Variants in CRYBB3 observed in about 807,000 individuals in gnomAD.
The protein encoded by CRYBB3 is beta-crystallin B3.
CRYBB3 carries 35 observed loss-of-function variants against 28.3 expected under a neutral mutation model. That is an observed-to-expected ratio of 1.24 (90% CI 0.95 to 1.64). CRYBB3 has a LOEUF of 1.64. CRYBB3 is among the 40% of genes most tolerant of loss of function. CRYBB3 has a pLI of 0.00. For synonymous variants in CRYBB3, 106 were observed against 110.4 expected (o/e 0.96, Z 0.25); for missense variants, 296 against 297.4 (o/e 1.00, Z 0.04).
chr22:25,206,602 C>A (rs2283809), intron 5 of CRYBB3, among the ~76,000 whole-genome samples: 1 of 151,888 alleles, frequency 6.6e-6, no homozygotes, highest in Non-Finnish European at 1.5e-5. Flanking sequence ...GTATTCACAA[C>A]GTATTGTGAT....
chr22:25,201,238 T>C, intron 1 of CRYBB3, 139 bp from the exon 2 acceptor site: 1 of 1,489,964 alleles, frequency 6.7e-7, no homozygotes, highest in Non-Finnish European at 9.0e-7. Context: ...GGATGTTTGC[T>C]GAATGACTGA....
chr22:25,202,270 G>T (rs1256986694), intron 2 of CRYBB3, among the ~76,000 whole-genome samples: 1 of 152,044 alleles, frequency 6.6e-6, no homozygotes, highest in Non-Finnish European at 1.5e-5. Flanking sequence ...CCCCGAGACT[G>T]CAAACAGGTG....
intron 5 of CRYBB3, among the ~76,000 whole-genome samples, 178 bp from the exon 6 acceptor site, chr22:25,206,869 T>G (rs1316012516): frequency 2.0e-5 from 3 of 152,118 alleles, no homozygotes; most frequent in Non-Finnish European, 4.4e-5. Flanking sequence ...TGTTGAGAGA[T>G]AAGGCTAGAG....
Position 25,201,485 on chromosome 22 carries a change from A to G in CRYBB3, c.75+14A>G. 6.2e-7 allele frequency: 1 copy of G among 1,611,336 alleles called. No homozygotes were observed. The highest frequency in any genetic ancestry group is 1.1e-5 in the South Asian group (1 of 90,974). Reference sequence around the variant, plus strand: ...GGCAGCTACAAGGTACTGGGCAGGGAGGGGGTCAGAGGGCCCAGGCTACTC... The same window carrying G: ...GGCAGCTACAAGGTACTGGGCAGGGGGGGGGTCAGAGGGCCCAGGCTACTC... On this transcript the variant is annotated intron_variant, in intron 2 of 5. Coordinates refer to ENST00000215855, the MANE Select transcript of CRYBB3 (RefSeq NM_004076.5).
rs1934946732 is a variant in CRYBB3, at chr22:25,201,423, A to G, written c.27A>G (p.Glu9=). The change falls in exon 2 of 6, where the codon GAA becomes GAG. Residue 9 remains glutamate, a synonymous_variant. Coordinates refer to ENST00000215855, the MANE Select transcript of CRYBB3 (RefSeq NM_004076.5). Reference sequence around the variant, plus strand: ...TGGCGGAACAGCACGGAGCACCCGAACAGGCTGCAGCTGGCAAGAGCCATG... The same window carrying G: ...TGGCGGAACAGCACGGAGCACCCGAGCAGGCTGCAGCTGGCAAGAGCCATG... MAEQHGAP[E]QAAAGKSHGD... is the part of the protein sequence containing the mutation. 1.2e-6 allele frequency: 2 copies of G among 1,613,194 alleles called. No homozygotes were observed. Among genetic ancestry groups the G allele is most frequent in the African/African-American group, 2.7e-5 (2 of 74,874 alleles).
intron 2 of CRYBB3, 87 bp from the exon 3 acceptor site, chr22:25,202,587 G>A: frequency 6.2e-7 from 1 of 1,603,784 alleles, no homozygotes; most frequent in Non-Finnish European, 8.5e-7. Context: ...AAAGCAGAGG[G>A]TACCTCCCTC....
chr22:25,202,757 G>A lies in CRYBB3; in HGVS notation c.159G>A (p.Leu53=), dbSNP rs1934970573. 2 of 1,614,054 alleles carry A rather than the reference G, an allele frequency of 1.2e-6. No homozygotes were observed. Among genetic ancestry groups the A allele is most frequent in the Admixed American group, 3.3e-5 (2 of 60,022 alleles). The change falls in exon 3 of 6, where the codon CTG becomes CTA. Residue 53 remains leucine, a synonymous_variant. Coordinates refer to ENST00000215855, the MANE Select transcript of CRYBB3 (RefSeq NM_004076.5). ...AECPSLTDSL[L]EKVGSIQVES... is the part of the protein sequence containing the mutation. Reference sequence around the variant, plus strand: ...GCCCCAGCCTGACCGACAGCCTGCTGGAGAAGGTGGGCTCCATCCAAGTGG... The same window carrying A: ...GCCCCAGCCTGACCGACAGCCTGCTAGAGAAGGTGGGCTCCATCCAAGTGG...
chr22:25,205,376 C>G lies in CRYBB3; in HGVS notation c.470+14C>G. On this transcript the variant is annotated intron_variant, in intron 5 of 5. Coordinates refer to ENST00000215855, the MANE Select transcript of CRYBB3 (RefSeq NM_004076.5). The stretch of plus-strand genomic sequence containing the variant: ...CATCAACGGGACGTAAGGGACCCAA[C>G]CCTCACCCTTGCCCCATCTTCTGGT... The G allele has an allele frequency of 6.2e-7, 1 of 1,613,858 alleles. No homozygotes were observed. The highest frequency in any genetic ancestry group is 8.5e-7 in the Non-Finnish European group (1 of 1,179,870).
intron 3 of CRYBB3, 51 bp downstream of exon 3, chr22:25,202,843 G>A: frequency 1.9e-6 from 3 of 1,607,674 alleles, no homozygotes; most frequent in Non-Finnish European, 2.5e-6. Context: ...CCTTCTGGGA[G>A]TGTGGAGGCC....
Position 25,201,351 on chromosome 22 carries a change from G to A in CRYBB3, c.-20-26G>A, listed in dbSNP as rs751211649. On this transcript the variant is annotated intron_variant, in intron 1 of 5. Transcript: ENST00000215855. ...ACCTGGCTTCTCCCGGGTGGATCCA[G>A]TGAACCATTTTCTTTTGGTTTGAAG... 6.8e-6 allele frequency: 11 copies of A among 1,610,374 alleles called. No homozygotes were observed. In the Admixed American group the frequency reaches 1.8e-4, roughly 27 times the overall value.
chr22:25,203,659 G>A (rs966395870), intron 3 of CRYBB3, 104 bp from the exon 4 acceptor site: 7 of 1,306,864 alleles, frequency 5.4e-6, no homozygotes, highest in African/African-American at 1.4e-5. Flanking sequence ...TGGAGGGAGG[G>A]TACAAGGTTC....
At chr22:25,201,017 C>T (rs1006332174) in intron 1 of CRYBB3, among the ~76,000 whole-genome samples, 13 of 152,206 alleles carry the variant, frequency 8.5e-5, no homozygotes, top group African/African-American at 2.9e-4. Flanking sequence ...GGTGGGACAT[C>T]TGCAGAGAGC....
intron 4 of CRYBB3, 69 bp from the exon 5 acceptor site, chr22:25,205,151 C>A: frequency 6.2e-7 from 1 of 1,602,698 alleles, no homozygotes; most frequent in Non-Finnish European, 8.5e-7. Context: ...TTCTTTCCGG[C>A]ATCTGGAGCC....
At position 25,201,424 on chromosome 22, in the gene CRYBB3, C is replaced by G; in HGVS notation, c.28C>G (p.Gln10Glu). The change falls in exon 2 of 6, where the codon CAG (glutamine) becomes GAG (glutamate). Residue 10 changes from glutamine (Q) to glutamate (E), a missense_variant. Coordinates refer to ENST00000215855, the MANE Select transcript of CRYBB3 (RefSeq NM_004076.5). MAEQHGAPE[Q>E]AAAGKSHGDL... ...GGCGGAACAGCACGGAGCACCCGAA[C>G]AGGCTGCAGCTGGCAAGAGCCATGG... The G allele has an allele frequency of 6.2e-7, 1 of 1,613,496 alleles. No homozygotes were observed. The highest frequency in any genetic ancestry group is 8.5e-7 in the Non-Finnish European group (1 of 1,179,636).
Position 25,203,957 on chromosome 22 carries a change from C to A in CRYBB3, c.327+62C>A. On this transcript the variant is annotated intron_variant, in intron 4 of 5. Coordinates refer to ENST00000215855, the MANE Select transcript of CRYBB3 (RefSeq NM_004076.5). The stretch of plus-strand genomic sequence containing the variant: ...GAAGCAGGGTGCACTGAGAGCTGGT[C>A]AGGCAGCTCATTGCACAAGCTGGGC... 1.9e-6 allele frequency: 3 copies of A among 1,603,200 alleles called. No homozygotes were observed. In the South Asian group the frequency reaches 3.3e-5, roughly 18 times the overall value.
Position 25,200,820 on chromosome 22 carries a change from A to G in CRYBB3, c.-20-557A>G, listed in dbSNP as rs151009715. Among the ~76,000 whole-genome samples the G allele has an allele frequency of 3.4e-4, 52 of 152,116 alleles. No homozygotes were observed. The South Asian group carries it at 7.7e-3, about 23-fold the overall frequency. The stretch of plus-strand genomic sequence containing the variant: ...CTTTTCTCTAGAGGTCTGTCTGTCC[A>G]CCTCCCGACATATGGGGTCTCCTGT... On this transcript the variant is annotated intron_variant, in intron 1 of 5. Coordinates refer to ENST00000215855, the MANE Select transcript of CRYBB3 (RefSeq NM_004076.5).
intron 5 of CRYBB3, among the ~76,000 whole-genome samples, 190 bp downstream of exon 5, chr22:25,205,552 C>T (rs529044276): frequency 2.6e-5 from 4 of 152,280 alleles, no homozygotes; most frequent in East Asian, 1.9e-4. Flanking sequence ...CTCCGCCTCC[C>T]GGGTTCATGC....
chr22:25,207,149 G>A lies in CRYBB3; in HGVS notation c.573G>A (p.Leu191=). The part of the protein sequence containing the change: ...WNEWDASQPQ[L]QSVRRIRDQK... Reference sequence around the variant, plus strand: ...AGTGGGACGCCAGCCAGCCGCAGCTGCAGTCTGTGCGCCGCATCCGTGACC... The same window carrying A: ...AGTGGGACGCCAGCCAGCCGCAGCTACAGTCTGTGCGCCGCATCCGTGACC... The change falls in exon 6 of 6, where the codon CTG becomes CTA. Residue 191 remains leucine (L), a synonymous_variant. Transcript: ENST00000215855. 6.2e-7 allele frequency: 1 copy of A among 1,613,734 alleles called. No homozygotes were observed. The highest frequency in any genetic ancestry group is 8.5e-7 in the Non-Finnish European group (1 of 1,180,026).
exon 6 of CRYBB3, chr22:25,207,357 CCACGTTCCTCGGCAT>C: frequency 1.4e-6 from 1 of 708,636 alleles, no homozygotes; most frequent in Non-Finnish European, 2.3e-6. Flanking sequence ...CCCCCACCCG[CCACGTTCCTCGGCAT>C]CACTTCCTGA....
Sources: allele counts gnomAD v4.1 joint callset (sites outside exome capture counted in the v4.1 genomes callset), GRCh38; gene constraint gnomAD v4.1.1; transcripts MANE v1.5; gene names NCBI Gene and HGNC (gene_info 2026-07-23, HGNC 2026-07-21).